Variants in MYO1B observed in about 807,000 individuals in gnomAD.
MYO1B encodes unconventional myosin-Ib.
Under a neutral mutation model 159.7 loss-of-function variants are expected in MYO1B, and 72 were observed. The observed-to-expected ratio is 0.45, with a 90% CI of 0.37 to 0.55. The LOEUF is 0.55. Ranked by LOEUF, MYO1B falls within the 20% of genes least tolerant of loss-of-function variation. MYO1B has a pLI of 0.00. For missense variants in MYO1B, 1,062 were observed against 1,364.8 expected, an observed-to-expected ratio of 0.78 and a Z score of 3.50; for synonymous variants, 468 against 473.8, an observed-to-expected ratio of 0.99 and a Z score of 0.16.
chr2:191,278,560 G>A (rs1443509023), intron 2 of MYO1B, among the ~76,000 whole-genome samples: 2 of 152,242 alleles, frequency 1.3e-5, no homozygotes, highest in East Asian at 3.8e-4. Context: ...ATGGTAACAA[G>A]AGGCCTGTGA....
chr2:191,351,514 TCTCATCTTTAAAATGATA>T (rs1692924581), intron 7 of MYO1B, among the ~76,000 whole-genome samples: 1 of 152,254 alleles, frequency 6.6e-6, no homozygotes, highest in Non-Finnish European at 1.5e-5. Context: ...GCTAGAGGTT[TCTCATCTTTAAAATGATA>T]GGATTGAATT....
intron 24 of MYO1B, among the ~76,000 whole-genome samples, chr2:191,403,133 A>G (rs1455659944): frequency 1.3e-5 from 2 of 152,158 alleles, no homozygotes; most frequent in African/African-American, 4.8e-5. Flanking sequence ...TGCTCCAATA[A>G]TGGCTGCCTG....
At chr2:191,284,921 A>T (rs1000951928) in intron 2 of MYO1B, among the ~76,000 whole-genome samples, 5 of 152,160 alleles carry the variant, frequency 3.3e-5, no homozygotes, top group African/African-American at 1.2e-4. Flanking sequence ...GGTGTAAGCC[A>T]CCAAGCCTAG....
chr2:191,387,094 TA>T, intron 16 of MYO1B, 129 bp from the exon 17 acceptor site: 1 of 855,864 alleles, frequency 1.2e-6, no homozygotes, highest in Non-Finnish European at 1.8e-6. Flanking sequence ...AGAGTGTGAC[TA>T]ACATGTCAGG....
chr2:191,308,083 G>C (rs1689762600), intron 3 of MYO1B, among the ~76,000 whole-genome samples: 1 of 152,090 alleles, frequency 6.6e-6, no homozygotes, highest in Non-Finnish European at 1.5e-5. Flanking sequence ...TCTAATCACA[G>C]GCTTGGTCTT....
intron 5 of MYO1B, among the ~76,000 whole-genome samples, chr2:191,342,069 A>T (rs1692259314): frequency 6.6e-6 from 1 of 152,206 alleles, no homozygotes; most frequent in Non-Finnish European, 1.5e-5. Flanking sequence ...TACACAGACT[A>T]GGTGGCTTCA....
chr2:191,256,595 A>G (rs527491640), intron 1 of MYO1B, among the ~76,000 whole-genome samples: 2 of 152,328 alleles, frequency 1.3e-5, no homozygotes, highest in South Asian at 2.1e-4. Context: ...AAAGAAACCA[A>G]AATGTTAAGT....
Position 191,304,585 on chromosome 2 carries a change from G to A in MYO1B, c.251+8359G>A, listed in dbSNP as rs201002098. Among the ~76,000 whole-genome samples the A allele has an allele frequency of 6.4e-4, 97 of 151,442 alleles. 1 individual carries two copies. In the East Asian group the frequency reaches 0.013, roughly 20 times the overall value. On this transcript the variant is annotated intron_variant, in intron 3 of 30. Transcript: ENST00000392318. The stretch of plus-strand genomic sequence containing the variant: ...AACCCCATCTCAAAAAACAACAACA[G>A]CAACAACAACAACCCAGTTTCTTTC...
intron 2 of MYO1B, among the ~76,000 whole-genome samples, chr2:191,291,372 GA>G (rs1688675455): frequency 6.6e-6 from 1 of 152,214 alleles, no homozygotes; most frequent in Non-Finnish European, 1.5e-5. Flanking sequence ...CTGCCCTTGA[GA>G]AATGAAATAT....
chr2:191,402,500 T>G (rs1034520169), intron 23 of MYO1B, 132 bp from the exon 24 acceptor site: 6 of 758,394 alleles, frequency 7.9e-6, no homozygotes, highest in Non-Finnish European at 1.4e-5. Context: ...TAAATTGTTA[T>G]GCACTGTTCC....
chr2:191,409,445 G>T (rs1697131745), intron 26 of MYO1B, among the ~76,000 whole-genome samples: 1 of 152,140 alleles, frequency 6.6e-6, no homozygotes. Context: ...GGTTCCAGCT[G>T]CTCTCAAGTA....
In MYO1B at chr2:191,414,552, T is replaced by C; in HGVS notation, c.3042T>C (p.Asn1014=). The C allele has an allele frequency of 6.2e-7, 1 of 1,612,360 alleles. No individual in the cohort carries two copies. The stretch of plus-strand genomic sequence containing the variant: ...GGATTTTCCTCTTAACAAACAATAA[T>C]CTCCTTCTTGCTGACCAAAAGTCTG... The part of the protein sequence containing the change: ...TSRIFLLTNN[N]LLLADQKSGQ... The change falls in exon 29 of 31, where the codon AAT becomes AAC. Residue 1014 remains asparagine, a synonymous_variant. Transcript: ENST00000392318.
chr2:191,320,011 C>T (rs943060474), intron 3 of MYO1B, among the ~76,000 whole-genome samples: 1 of 152,054 alleles, frequency 6.6e-6, no homozygotes, highest in African/African-American at 2.4e-5. Flanking sequence ...TGAGAGACTC[C>T]TCTAAGACAA....
chr2:191,303,934 C>A (rs1181603909), intron 3 of MYO1B, among the ~76,000 whole-genome samples: 1 of 152,150 alleles, frequency 6.6e-6, no homozygotes, highest in Non-Finnish European at 1.5e-5. Context: ...TTGAAAATAG[C>A]TAAAATTACC....
chr2:191,257,221 T>G (rs373114184), intron 1 of MYO1B, among the ~76,000 whole-genome samples: 3 of 152,180 alleles, frequency 2.0e-5, no homozygotes, highest in African/African-American at 7.2e-5. Context: ...TTTACTTACT[T>G]ACACCTAAAT....
At chr2:191,280,098 AG>A (rs1687969275) in intron 2 of MYO1B, among the ~76,000 whole-genome samples, 2 of 152,144 alleles carry the variant, frequency 1.3e-5, no homozygotes, top group South Asian at 4.1e-4. Context: ...AGCTCTCGTG[AG>A]GGATTGCTTT....
intron 3 of MYO1B, among the ~76,000 whole-genome samples, chr2:191,313,192 C>CTTGTTTTTTTT (rs1690117641): frequency 2.3e-5 from 1 of 42,992 alleles, no homozygotes; most frequent in Admixed American, 4.4e-4. Flanking sequence ...GCACACATGG[C>CTTGTTTTTTTT]TTTTTTTTTT....
At chr2:191,253,568 C>G (rs1376293515) in intron 1 of MYO1B, among the ~76,000 whole-genome samples, 1 of 109,062 alleles carries the variant, frequency 9.2e-6, no homozygotes, top group Non-Finnish European at 2.3e-5. Context: ...AACTGTTTCA[C>G]AACTTAAAAA....
intron 11 of MYO1B, among the ~76,000 whole-genome samples, chr2:191,368,140 A>G (rs1015558038): frequency 2.0e-5 from 3 of 152,210 alleles, no homozygotes; most frequent in African/African-American, 7.2e-5. Context: ...CAGCTGTGTT[A>G]TGTTGCCAGG....
Sources: gnomAD v4.1 joint callset for allele counts (sites outside exome capture counted in the v4.1 genomes callset) on GRCh38, gnomAD v4.1.1 for gene constraint, MANE v1.5 for transcripts, NCBI Gene and HGNC (gene_info 2026-07-23, HGNC 2026-07-21) for gene names.